The following ZNF638 variants were observed in gnomAD, a reference collection of about 807,000 sequenced individuals.
ZNF638 encodes the protein CTCL tumor antigen se33-1.
Under a neutral mutation model 195.6 loss-of-function variants are expected in ZNF638, and 46 were observed. The ratio of observed to expected loss-of-function variants is 0.24; its 90% CI spans 0.19 to 0.30. The LOEUF is 0.30. ZNF638 is among the 10% of genes least tolerant of loss of function. ZNF638 has a pLI of 1.00. For missense variants in ZNF638, 2,440 were observed against 2,325.3 expected (o/e 1.05, Z -1.01); for synonymous variants, 845 against 772.0 (o/e 1.09, Z -1.57).
At chr2:71,405,960 T>G (rs1401242488) in intron 18 of ZNF638, among the ~76,000 whole-genome samples, 168 bp from the exon 19 acceptor site, 1 of 152,310 alleles carries the variant, frequency 6.6e-6, no homozygotes, top group South Asian at 2.1e-4. Flanking sequence ...TTTTACTGAT[T>G]ACTCGTACGT....
rs115469845 is a variant in ZNF638, at chr2:71,400,630, C to T, written c.2697+112C>T. On this transcript the variant is annotated intron_variant, in intron 15 of 27. Coordinates refer to ENST00000264447, the MANE Select transcript of ZNF638 (RefSeq NM_014497.5). The stretch of plus-strand genomic sequence containing the variant: ...ATGGTATTTGGCATGTGAGAAATTC[C>T]AGTCATTTGTGACTTTTAAAACATG... 610 of 837,186 alleles carry T rather than the reference C, an allele frequency of 7.3e-4. 3 individuals carry two copies. In the African/African-American group the frequency reaches 0.01, roughly 14 times the overall value. 51.9% of individuals were successfully genotyped at this position (837,186 alleles called of 1,614,324 possible).
At position 71,429,553 on chromosome 2, in the gene ZNF638, G is replaced by C. The variant is rs193175622; in HGVS notation, c.5650+902G>C. On this transcript the variant is annotated intron_variant, in intron 25 of 27. Transcript: ENST00000264447. ...CACATAAAATATAAAATTTGGCCAA[G>C]TTTTTCCCATTGAAAGAAATATCCC... 2.2e-4 allele frequency among the ~76,000 whole-genome samples: 33 copies of C among 152,238 alleles called. 1 individual carries two copies. In the Middle Eastern group the frequency reaches 0.01, roughly 47 times the overall value.
chr2:71,365,391 T>G (rs1277365227), intron 5 of ZNF638, 38 bp from the exon 6 acceptor site: 20 of 1,494,342 alleles, frequency 1.3e-5, no homozygotes, highest in Admixed American at 2.2e-5. Context: ...TACCTTAATT[T>G]TTTTCCAATT....
At chr2:71,418,525 C>T in intron 20 of ZNF638, 77 bp from the exon 21 acceptor site, 1 of 949,972 alleles carries the variant, frequency 1.1e-6, no homozygotes. Context: ...TAAATTTTTA[C>T]TAAAAACATT....
Position 71,366,403 on chromosome 2 carries a change from G to A in ZNF638, c.1995+697G>A, listed in dbSNP as rs188760540. Among the ~76,000 whole-genome samples, 474 of 151,846 alleles carry A rather than the reference G, an allele frequency of 3.1e-3. 3 individuals carry two copies. The highest frequency in any genetic ancestry group is 0.011 in the African/African-American group (444 of 41,408). On this transcript the variant is annotated intron_variant, in intron 6 of 27. Coordinates refer to ENST00000264447, the MANE Select transcript of ZNF638 (RefSeq NM_014497.5). ...GAAGTTGTCTTAACTTTTTTATTCCGTGTTTCCAATAACTTTGAAATTATG... is the reference window on the plus strand; with the variant it reads ...GAAGTTGTCTTAACTTTTTTATTCCATGTTTCCAATAACTTTGAAATTATG...
At chr2:71,431,142 G>A in intron 25 of ZNF638, 185 bp from the exon 26 acceptor site, 1 of 537,906 alleles carries the variant, frequency 1.9e-6, no homozygotes, top group Non-Finnish European at 3.4e-6. Flanking sequence ...AAATCCATTT[G>A]AATGGATTTA....
At chr2:71,403,761 G>C (rs2080051353) in intron 16 of ZNF638, 109 bp from the exon 17 acceptor site, 1 of 712,806 alleles carries the variant, frequency 1.4e-6, no homozygotes, top group Non-Finnish European at 2.2e-6. Flanking sequence ...TATTTACTAA[G>C]TTGTTCAATC....
rs552137323 is a variant in ZNF638, at chr2:71,391,728, T to TC, written c.2378-4407dup. Among the ~76,000 whole-genome samples, 366 of 152,250 alleles carry TC rather than the reference T, an allele frequency of 2.4e-3. 1 individual carries two copies. The highest frequency in any genetic ancestry group is 8.5e-3 in the African/African-American group (354 of 41,540). ...AATTACTGGGTGATATTAACTGGCA[T>TC]CCCCCCACCTTGGGCATAACTACTG... On this transcript the variant is annotated intron_variant, in intron 10 of 27. Transcript: ENST00000264447.
At chr2:71,406,398 A>G (rs1321667933) in intron 19 of ZNF638, 136 bp downstream of exon 19, 5 of 765,352 alleles carry the variant, frequency 6.5e-6, no homozygotes, top group Non-Finnish European at 1.0e-5. Context: ...ATTATAAACC[A>G]GAATATTTTA....
At chr2:71,378,296 A>G (rs1365963824) in intron 8 of ZNF638, among the ~76,000 whole-genome samples, 2 of 152,230 alleles carry the variant, frequency 1.3e-5, no homozygotes, top group African/African-American at 4.8e-5. Flanking sequence ...AGTAGTTTCA[A>G]ATTTCTTTTA....
At chr2:71,348,579 AAAG>A (rs2078893213) in intron 1 of ZNF638, 171 bp from the exon 2 acceptor site, 1 of 1,195,338 alleles carries the variant, frequency 8.4e-7, no homozygotes, top group Non-Finnish European at 1.1e-6. Context: ...TCAGGAAAGA[AAAG>A]AAGAGAAAGT....
intron 10 of ZNF638, 127 bp downstream of exon 10, chr2:71,380,692 TG>T (rs2079520727): frequency 3.1e-6 from 2 of 644,322 alleles, no homozygotes; most frequent in African/African-American, 1.9e-5. Flanking sequence ...ATTCTTTAAT[TG>T]GCCCCTGTAT....
At chr2:71,409,078 C>A (rs564706331) in intron 20 of ZNF638, among the ~76,000 whole-genome samples, 18 of 152,102 alleles carry the variant, frequency 1.2e-4, no homozygotes. Flanking sequence ...CAAAATTAAA[C>A]ACTGACTGTA....
intron 10 of ZNF638, among the ~76,000 whole-genome samples, chr2:71,389,517 G>A (rs1267313405): frequency 6.6e-6 from 1 of 152,166 alleles, no homozygotes; most frequent in Non-Finnish European, 1.5e-5. Context: ...AGTATGATGA[G>A]TTGTATGAAC....
rs181281460 is a variant in ZNF638, at chr2:71,390,018, T to C, written c.2378-6123T>C. Among the ~76,000 whole-genome samples, 56 of 152,300 alleles carry C rather than the reference T, an allele frequency of 3.7e-4. No homozygotes were observed. The East Asian group carries it at 0.01, about 28-fold the overall frequency. On this transcript the variant is annotated intron_variant, in intron 10 of 27. Coordinates refer to ENST00000264447, the MANE Select transcript of ZNF638 (RefSeq NM_014497.5). ...GAAAAGGGAGAAAACCCCAAATTGT[T>C]TTCTGTGTGGAGAGCCAGGTCATAA... is the stretch of plus-strand genomic sequence containing the variant.
At chr2:71,393,751 CCT>C in intron 10 of ZNF638, 1 of 636,438 alleles carries the variant, frequency 1.6e-6, no homozygotes, top group Non-Finnish European at 2.9e-6. Flanking sequence ...TTTCTTACGC[CCT>C]GTTACCTGGG....
At position 71,434,953 on chromosome 2, in the gene ZNF638, T is replaced by G; in HGVS notation, c.*146T>G. 1 of 611,266 alleles carries G rather than the reference T, an allele frequency of 1.6e-6. No homozygotes were observed. The highest frequency in any genetic ancestry group is 2.8e-6 in the Non-Finnish European group (1 of 353,616). The allele number at this position is 611,266 out of a possible 1,614,324, so 37.9% of individuals were successfully genotyped here. A position where few individuals can be genotyped will look rare whatever the true frequency, so the allele number is the denominator to read the frequency against. On this transcript the variant is annotated 3_prime_UTR_variant, in exon 28 of 28. Coordinates refer to ENST00000264447, the MANE Select transcript of ZNF638 (RefSeq NM_014497.5). ...CTGATTGCCCTAAATGTAGAGAGAC[T>G]GATGGGGAAAGTATGATGGGTTTGA...
At chr2:71,380,399 T>C in intron 9 of ZNF638, 114 bp from the exon 10 acceptor site, 1 of 1,112,346 alleles carries the variant, frequency 9.0e-7, no homozygotes, top group Non-Finnish European at 1.3e-6. Context: ...TTAAGAGGGA[T>C]ATCACTCCAG....
At chr2:71,388,035 A>C (rs919789368) in intron 10 of ZNF638, among the ~76,000 whole-genome samples, 4 of 152,184 alleles carry the variant, frequency 2.6e-5, no homozygotes, top group African/African-American at 4.8e-5. Context: ...AAGAAAAAAA[A>C]ATCCTACCAG....
Sources: allele counts gnomAD v4.1 joint callset (sites outside exome capture counted in the v4.1 genomes callset), GRCh38; gene constraint gnomAD v4.1.1; transcripts MANE v1.5; gene names NCBI Gene and HGNC (gene_info 2026-07-23, HGNC 2026-07-21).